NSMAF: variants seen among roughly 807,000 people sequenced by gnomAD.
NSMAF encodes neutral sphingomyelinase activation associated factor, also known as protein FAN.
Under a neutral mutation model 134.9 loss-of-function variants are expected in NSMAF, and 90 were observed. That is an observed-to-expected ratio of 0.67 (90% confidence interval 0.56 to 0.79). NSMAF has a LOEUF of 0.79. Ranked by LOEUF, NSMAF falls within the 30% of genes least tolerant of loss-of-function variation. The probability of loss-of-function intolerance (pLI) is 0.00; values close to 1 mark genes in which losing one functional copy is unlikely to be tolerated. For synonymous variants in NSMAF, 358 were observed against 389.6 expected, an observed-to-expected ratio of 0.92 and a Z score of 0.96; for missense variants, 1,010 against 1,119.0, an observed-to-expected ratio of 0.90 and a Z score of 1.39.
rs764905897 is a variant in NSMAF at position 58,623,754 on chromosome 8, C to T, written c.411G>A (p.Leu137=). The T allele has an allele frequency of 9.3e-6, 15 of 1,613,878 alleles. No homozygotes were observed. In the South Asian group the frequency reaches 1.6e-4, roughly 18 times the overall value. ...CATCTTCCACTTTCCCGGGAACATCCAATTCAAAAACATATTCCATTTTGC... is the reference window on the plus strand; with the variant it reads ...CATCTTCCACTTTCCCGGGAACATCTAATTCAAAAACATATTCCATTTTGC... ...ERGKMEYVFE[L]DVPGKVEDVV... is the part of the protein sequence containing the mutation. The change falls in exon 7 of 31, where the codon TTG becomes TTA. Residue 137 remains leucine, a synonymous_variant. Transcript: ENST00000038176.
At chr8:58,603,614 C>T (rs1404581245) in intron 12 of NSMAF, among the ~76,000 whole-genome samples, 3 of 152,108 alleles carry the variant, frequency 2.0e-5, no homozygotes, top group Admixed American at 1.3e-4. Context: ...ATTACACTAC[C>T]CTCCACAATA....
At chr8:58,658,966 T>C (rs537835510) in intron 1 of NSMAF, among the ~76,000 whole-genome samples, 2 of 152,332 alleles carry the variant, frequency 1.3e-5, no homozygotes, top group East Asian at 3.9e-4. Flanking sequence ...GGACCTTGGC[T>C]TTCCTCAGAA....
intron 26 of NSMAF, 116 bp downstream of exon 26, chr8:58,589,336 A>G (rs1805972059): frequency 1.5e-6 from 1 of 688,102 alleles, no homozygotes; most frequent in African/African-American, 1.9e-5. Flanking sequence ...GACTGAACAC[A>G]TTAGCAATAG....
At chr8:58,589,750 T>A in intron 25 of NSMAF, 175 bp from the exon 26 acceptor site, 1 of 746,638 alleles carries the variant, frequency 1.3e-6, no homozygotes, top group Non-Finnish European at 2.0e-6. Flanking sequence ...AATTTAAAAT[T>A]AGAAATTTCC....
At chr8:58,643,109 T>G (rs1807372372) in intron 1 of NSMAF, 36 bp from the exon 2 acceptor site, 1 of 1,494,142 alleles carries the variant, frequency 6.7e-7, no homozygotes, top group Non-Finnish European at 9.3e-7. Flanking sequence ...TTCAGTTTAT[T>G]TTTTAGTAAG....
intron 10 of NSMAF, 117 bp downstream of exon 10, chr8:58,609,487 T>G: frequency 1.1e-6 from 1 of 931,896 alleles, no homozygotes; most frequent in Non-Finnish European, 1.7e-6. Flanking sequence ...GTGAAGGGGG[T>G]GGGCAGGGAC....
intron 9 of NSMAF, among the ~76,000 whole-genome samples, chr8:58,617,144 G>C (rs577690647): frequency 1.3e-5 from 2 of 152,032 alleles, no homozygotes; most frequent in Non-Finnish European, 2.9e-5. Context: ...GGGTAGAAAA[G>C]GGTAAATTTT....
Position 58,589,568 on chromosome 8 carries a change from A to G in NSMAF, c.2095T>C (p.Tyr699His). The change falls in exon 26 of 31, where the codon TAT becomes CAT. Residue 699 changes from tyrosine to histidine, a missense_variant. Tyr to His is a moderately conservative substitution (Grantham distance 83). Coordinates refer to ENST00000038176, the MANE Select transcript of NSMAF (RefSeq NM_003580.4). ...TGGCGTCTTCCAAATGCTATGGAAT[A>G]AAAATAGCTAAAAGATAATGAGAAG... ...TSSWDNNVYF[Y>H]SIAFGRRQDT... 1 of 1,566,222 alleles carries G rather than the reference A, an allele frequency of 6.4e-7. No homozygotes were observed. The highest frequency in any genetic ancestry group is 8.6e-7 in the Non-Finnish European group (1 of 1,166,306).
At chr8:58,594,377 A>G in intron 22 of NSMAF, 87 bp from the exon 23 acceptor site, 2 of 1,270,878 alleles carry the variant, frequency 1.6e-6, no homozygotes, top group Non-Finnish European at 2.3e-6. Context: ...AATTTTACCA[A>G]GTTTCCTTAA....
chr8:58,615,569 C>G (rs1313651512), intron 9 of NSMAF, among the ~76,000 whole-genome samples: 1 of 152,128 alleles, frequency 6.6e-6, no homozygotes. Context: ...GTTAAACATA[C>G]TTCTAAATTA....
In NSMAF at chr8:58,584,080, T is replaced by G. The variant is rs187275423; in HGVS notation, c.*26A>C. 187 of 1,533,582 alleles carry G rather than the reference T, an allele frequency of 1.2e-4. 1 individual carries two copies. In the Admixed American group the frequency reaches 3.0e-3, roughly 25 times the overall value. The allele number at this position is 1,533,582 out of a possible 1,614,324, so 95.0% of individuals were successfully genotyped here. ...AAAAATGCATTAAATAGAGTTCAATTTAATATTCAGGAGAGGAAAAGGCAC... is the reference window on the plus strand; with the variant it reads ...AAAAATGCATTAAATAGAGTTCAATGTAATATTCAGGAGAGGAAAAGGCAC... On this transcript the variant is annotated 3_prime_UTR_variant, in exon 31 of 31. Transcript: ENST00000038176.
At chr8:58,646,146 T>C (rs1271465121) in intron 1 of NSMAF, among the ~76,000 whole-genome samples, 1 of 152,170 alleles carries the variant, frequency 6.6e-6, no homozygotes, top group African/African-American at 2.4e-5. Context: ...ATCTGTAACT[T>C]TTATTGACCT....
chr8:58,659,561 C>T lies in NSMAF; in HGVS notation c.59+12G>A. The T allele has an allele frequency of 6.6e-7, 1 of 1,526,702 alleles. No individual in the cohort carries two copies. The highest frequency in any genetic ancestry group is 8.8e-7 in the Non-Finnish European group (1 of 1,137,918). 94.6% of individuals were successfully genotyped at this position (1,526,702 alleles called of 1,614,324 possible). On this transcript the variant is annotated intron_variant, in intron 1 of 30. Transcript: ENST00000038176. Reference sequence around the variant, plus strand: ...GGCCCCCGGCTGGGCCCTTCTTCAGCTGGGCGCGCACCTCTCCTTGGAGTA... The same window carrying T: ...GGCCCCCGGCTGGGCCCTTCTTCAGTTGGGCGCGCACCTCTCCTTGGAGTA...
intron 1 of NSMAF, among the ~76,000 whole-genome samples, chr8:58,653,559 A>G (rs932724227): frequency 5.9e-5 from 9 of 152,196 alleles, no homozygotes; most frequent in African/African-American, 2.2e-4. Context: ...CAAAATAGAA[A>G]AAAAATTACT....
At chr8:58,652,181 A>G (rs1807600271) in intron 1 of NSMAF, among the ~76,000 whole-genome samples, 1 of 152,204 alleles carries the variant, frequency 6.6e-6, no homozygotes, top group South Asian at 2.1e-4. Context: ...CTATATCTAG[A>G]CAGCAAAAAA....
Position 58,642,514 on chromosome 8 carries a change from C to A in NSMAF, c.149+470G>T, listed in dbSNP as rs1477010483. On this transcript the variant is annotated intron_variant, in intron 2 of 30. Transcript: ENST00000038176. ...TCATTTTGAAAGTACTGATTTTATA[C>A]CACTCTTGTGGTTTATAATCATTAC... 2.6e-5 allele frequency among the ~76,000 whole-genome samples: 4 copies of A among 152,216 alleles called. No individual in the cohort carries two copies. The East Asian group carries it at 5.8e-4, about 22-fold the overall frequency.
intron 6 of NSMAF, among the ~76,000 whole-genome samples, chr8:58,624,894 A>G (rs1806882814): frequency 6.6e-6 from 1 of 152,170 alleles, no homozygotes; most frequent in Non-Finnish European, 1.5e-5. Context: ...CTTCAGTTCT[A>G]TCAATGTTCG....
Position 58,595,547 on chromosome 8 carries a change from G to A in NSMAF, c.1892+13C>T. 1 of 1,570,038 alleles carries A rather than the reference G, an allele frequency of 6.4e-7. No individual in the cohort carries two copies. Among genetic ancestry groups the A allele is most frequent in the Non-Finnish European group, 8.8e-7 (1 of 1,139,762 alleles). On this transcript the variant is annotated intron_variant, in intron 22 of 30. Transcript: ENST00000038176. ...GACTATCAGCTGCTGAGAAGAAGCA[G>A]AGATATTCTTACTCTTTGTGGATTT... is the stretch of plus-strand genomic sequence containing the variant.
chr8:58,649,097 CCA>C (rs1807525381), intron 1 of NSMAF, among the ~76,000 whole-genome samples: 1 of 152,220 alleles, frequency 6.6e-6, no homozygotes, highest in African/African-American at 2.4e-5. Flanking sequence ...CCCTTCAAAG[CCA>C]CAGAGGCAGA....
Sources: allele counts gnomAD v4.1 joint callset (sites outside exome capture counted in the v4.1 genomes callset), GRCh38; gene constraint gnomAD v4.1.1; transcripts MANE v1.5; gene names NCBI Gene and HGNC (gene_info 2026-07-23, HGNC 2026-07-21).